The following EPG5 variants were observed in gnomAD, a reference collection of about 807,000 sequenced individuals.
The protein encoded by EPG5 is ectopic P granules protein 5 homolog.
Under a neutral mutation model 302.7 loss-of-function variants are expected in EPG5, and 159 were observed. The observed-to-expected ratio is 0.53, with a 90% CI of 0.46 to 0.60. The LOEUF (loss-of-function observed/expected upper bound fraction) is 0.60. Among genes scored for constraint, EPG5 ranks in the 20% least tolerant of loss-of-function variants. EPG5 has a pLI of 0.00. For missense variants in EPG5, 2,896 were observed against 3,092.4 expected, an observed-to-expected ratio of 0.94 and a Z score of 1.51; for synonymous variants, 1,158 against 1,136.8, an observed-to-expected ratio of 1.02 and a Z score of -0.37.
chr18:45,912,535 T>C (rs1048547484), intron 21 of EPG5, 79 bp from the exon 22 acceptor site: 2 of 1,306,564 alleles, frequency 1.5e-6, no homozygotes, highest in Admixed American at 2.7e-5. Context: ...GTGATCCAAC[T>C]GAAACACCAA....
chr18:45,893,551 T>TAAA (rs59916763), intron 27 of EPG5, among the ~76,000 whole-genome samples: 50 of 136,794 alleles, frequency 3.7e-4, no homozygotes, highest in Non-Finnish European at 5.9e-4. Context: ...AGACTCTGTC[T>TAAA]AAAAAAAAAA....
Position 45,858,668 on chromosome 18 carries a change from A to T in EPG5, c.7124T>A (p.Leu2375His), listed in dbSNP as rs772446491. ...TAAACACTGAAGCAAGTAGACGTAA[A>T]GAGTCAAGTAACTGCCCAAGGTGAG... ...ECLTLGSYLT[L>H]YVYLLQCLNS... Residue 2375 changes from leucine to histidine, a missense_variant, in exon 41 of 44, where the codon CTT becomes CAT. Coordinates refer to ENST00000282041, the MANE Select transcript of EPG5 (RefSeq NM_020964.3). 1 of 1,614,206 alleles carries T rather than the reference A, an allele frequency of 6.2e-7. No individual in the cohort carries two copies. Among genetic ancestry groups the T allele is most frequent in the Admixed American group, 1.7e-5 (1 of 60,028 alleles).
At chr18:45,936,637 A>G (rs1211466759) in intron 10 of EPG5, among the ~76,000 whole-genome samples, 1 of 150,594 alleles carries the variant, frequency 6.6e-6, no homozygotes, top group African/African-American at 2.4e-5. Flanking sequence ...CTGAGGCAGG[A>G]GAATCACTTG....
Position 45,944,101 on chromosome 18 carries a change from T to A in EPG5, c.1696A>T (p.Ser566Cys). 6.2e-7 allele frequency: 1 copy of A among 1,612,684 alleles called. No individual in the cohort carries two copies. Residue 566 changes from serine to cysteine, a missense_variant, in exon 8 of 44, where the codon AGT (serine) becomes TGT (cysteine). Ser to Cys is a moderately radical substitution (Grantham distance 112). Around this residue, in one of 5 missense-constraint regions of EPG5, gnomAD observed 1,390 missense variants for 1,430.0 expected, o/e 0.97. Transcript: ENST00000282041. ...GGEEDEDPET[S>C]WILLNEDDLV... ...TCATCTTCATTAAGGAGAATCCAAC[T>A]GGTCTCAGGGTCTTCATCCTAAGGG...
At chr18:45,847,173 T>C (rs2048372142), downstream of EPG5, among the ~76,000 whole-genome samples, 1 of 152,342 alleles carries the variant, frequency 6.6e-6, no homozygotes, top group Middle Eastern at 3.4e-3. Flanking sequence ...CTCCACACCT[T>C]GGCCCATTCA....
At chr18:45,898,977 T>A (rs2049541163) in intron 27 of EPG5, among the ~76,000 whole-genome samples, 1 of 152,094 alleles carries the variant, frequency 6.6e-6, no homozygotes, top group East Asian at 1.9e-4. Flanking sequence ...ACACAGAAAT[T>A]AGCCGGGCGT....
chr18:45,913,905 T>G, intron 20 of EPG5, 77 bp from the exon 21 acceptor site: 1 of 1,539,214 alleles, frequency 6.5e-7, no homozygotes, highest in South Asian at 1.2e-5. Context: ...TATTCCACAA[T>G]TTAAATCTCT....
chr18:45,886,518 T>C (rs2049220307), intron 29 of EPG5, among the ~76,000 whole-genome samples: 1 of 152,226 alleles, frequency 6.6e-6, no homozygotes, highest in Admixed American at 6.5e-5. Context: ...TACATATACA[T>C]ATACACAAAT....
At chr18:45,955,413 G>A in intron 1 of EPG5, 75 bp from the exon 2 acceptor site, 1 of 1,078,612 alleles carries the variant, frequency 9.3e-7, no homozygotes, top group South Asian at 1.8e-5. Context: ...TTTTAAAGTT[G>A]CACATAAAAT....
At chr18:45,854,932 T>C (rs563585606) in intron 43 of EPG5, among the ~76,000 whole-genome samples, 2 of 152,290 alleles carry the variant, frequency 1.3e-5, no homozygotes, top group Admixed American at 6.5e-5. Flanking sequence ...AACTCACTAA[T>C]ATTGGTCGAG....
intron 2 of EPG5, chr18:45,953,744 C>T: frequency 5.1e-6 from 5 of 985,332 alleles, no homozygotes; most frequent in Non-Finnish European, 6.0e-6. Flanking sequence ...AGGTGAGTTT[C>T]ACTCTCATTT....
chr18:45,903,968 C>T lies in EPG5; in HGVS notation c.4474+5G>A. 1 of 1,604,524 alleles carries T rather than the reference C, an allele frequency of 6.2e-7. No individual in the cohort carries two copies. Among genetic ancestry groups the T allele is most frequent in the Non-Finnish European group, 8.5e-7 (1 of 1,177,936 alleles). On this transcript the variant is annotated splice_donor_5th_base_variant and intron_variant, in intron 25 of 43. Coordinates refer to ENST00000282041, the MANE Select transcript of EPG5 (RefSeq NM_020964.3). ...TTCGAAGGGGCAGGTGCTCCCAGGA[C>T]CCACCCAGCAAAGGATCAGTGAAGT...
chr18:45,912,207 T>A, intron 22 of EPG5, 83 bp downstream of exon 22: 1 of 1,262,736 alleles, frequency 7.9e-7, no homozygotes, highest in Non-Finnish European at 1.1e-6. Flanking sequence ...CAACTCACAC[T>A]CCACAGTCTA....
chr18:45,902,197 T>C (rs1230420431), intron 25 of EPG5, among the ~76,000 whole-genome samples: 3 of 152,238 alleles, frequency 2.0e-5, no homozygotes, highest in Non-Finnish European at 4.4e-5. Context: ...GCCATGACTT[T>C]ACTTGGCATA....
At chr18:45,870,765 A>T (rs781350067) in intron 35 of EPG5, 23 bp from the exon 36 acceptor site, 1 of 1,505,632 alleles carries the variant, frequency 6.6e-7, no homozygotes, top group Admixed American at 1.9e-5. Flanking sequence ...AAGAAAATAG[A>T]GCTGAAGACC....
At chr18:45,811,483 A>G in the EPG5 span, among the ~76,000 whole-genome samples, 17 of 152,204 alleles carry the variant, frequency 1.1e-4, no homozygotes, top group African/African-American at 4.1e-4. Context: ...TTTTAGACCA[A>G]TATCCCTGAT....
the EPG5 span, among the ~76,000 whole-genome samples, chr18:45,812,808 TA>T: frequency 6.6e-6 from 1 of 152,092 alleles, no homozygotes; most frequent in Non-Finnish European, 1.5e-5. Context: ...CCTAAAACCA[TA>T]AAAACCCTAA....
chr18:45,825,013 A>G, the EPG5 span, among the ~76,000 whole-genome samples: 3 of 152,058 alleles, frequency 2.0e-5, no homozygotes, highest in African/African-American at 7.2e-5. Context: ...TCACTGTCTA[A>G]GGGAGAAACT....
At chr18:45,903,883 G>T in intron 25 of EPG5, 90 bp downstream of exon 25, 1 of 1,307,412 alleles carries the variant, frequency 7.6e-7, no homozygotes, top group East Asian at 2.7e-5. Context: ...TGAACACTGG[G>T]GGAATAAAGT....
Sources: gnomAD v4.1 joint callset for allele counts (sites outside exome capture counted in the v4.1 genomes callset) on GRCh38, gnomAD v4.1.1 for gene constraint, gnomAD v4.1.1 regional missense constraint, MANE v1.5 for transcripts, NCBI Gene and HGNC (gene_info 2026-07-23, HGNC 2026-07-21) for gene names.